The following LMO3 variants were observed in gnomAD, a reference collection of about 807,000 sequenced individuals.
LMO3 encodes the protein LIM domain only protein 3.
A neutral mutation model predicts 15.8 loss-of-function variants in LMO3; 2 were observed. The ratio of observed to expected loss-of-function variants is 0.13; its 90% CI spans 0.05 to 0.40. LMO3 has a LOEUF of 0.40. Ranked by LOEUF, LMO3 falls within the 10% of genes least tolerant of loss-of-function variation. The pLI, the probability that LMO3 is intolerant of heterozygous loss-of-function variation, is 0.99. For synonymous variants in LMO3, 62 were observed against 63.8 expected, an observed-to-expected ratio of 0.97 and a Z score of 0.13; for missense variants, 86 against 182.2, an observed-to-expected ratio of 0.47 and a Z score of 3.04.
intron 2 of LMO3, among the ~76,000 whole-genome samples, chr12:16,581,945 GATAAA>G (rs1431796385): frequency 1.3e-5 from 2 of 151,960 alleles, no homozygotes; most frequent in Non-Finnish European, 1.5e-5. Flanking sequence ...ATTTTCTGCA[GATAAA>G]ATAATTATCT....
chr12:16,567,267 A>T, intron 2 of LMO3: 1 of 163,656 alleles, frequency 6.1e-6, no homozygotes, highest in Non-Finnish European at 1.3e-5. Flanking sequence ...GCAATAATTC[A>T]TGGTATTGAG....
upstream of LMO3, among the ~76,000 whole-genome samples, chr12:16,609,493 A>T (rs1944087093): frequency 6.6e-6 from 1 of 152,118 alleles, no homozygotes; most frequent in African/African-American, 2.4e-5. Flanking sequence ...AAAGAGCCAG[A>T]TCTTTTTGGT....
chr12:16,562,617 C>T (rs1321878481), intron 2 of LMO3, among the ~76,000 whole-genome samples: 4 of 152,194 alleles, frequency 2.6e-5, no homozygotes, highest in Non-Finnish European at 5.9e-5. Context: ...GGACCTGAGA[C>T]CTGCTTCTGC....
rs1307854873 is a variant in LMO3 at position 16,551,302 on chromosome 12, G to A, written c.358C>T (p.Leu120=). Residue 120 remains leucine (L), a synonymous_variant, in exon 4 of 4, where the codon CTA becomes TTA. Coordinates refer to ENST00000537304, the MANE Select transcript of LMO3 (RefSeq NM_018640.5). ...QRFCVGDKFF[L]KNNMILCQTD... ...TGGCAAAGGATCATGTTATTCTTTA[G>A]GAAAAATTTGTCTCCAACACAAAAT... 1 of 1,611,198 alleles carries A rather than the reference G, an allele frequency of 6.2e-7. No homozygotes were observed. Among genetic ancestry groups the A allele is most frequent in the East Asian group, 2.2e-5 (1 of 44,818 alleles).
chr12:16,575,652 A>G (rs1330343626), intron 2 of LMO3, among the ~76,000 whole-genome samples: 1 of 152,138 alleles, frequency 6.6e-6, no homozygotes, highest in East Asian at 1.9e-4. Flanking sequence ...CCAGCGTCAC[A>G]TAGATAGATA....
chr12:16,553,582 C>CTTA (rs1942073938), intron 3 of LMO3, among the ~76,000 whole-genome samples: 1 of 151,996 alleles, frequency 6.6e-6, no homozygotes, highest in South Asian at 2.1e-4. Context: ...TCAATTTATA[C>CTTA]TTAAAGGTCA....
chr12:16,556,852 ACTAAGTG>A (rs1392787521), intron 3 of LMO3, among the ~76,000 whole-genome samples: 1 of 152,210 alleles, frequency 6.6e-6, no homozygotes, highest in East Asian at 1.9e-4. Flanking sequence ...CAAGACAATA[ACTAAGTG>A]CTAATTGTGC....
chr12:16,556,772 G>A (rs775655665), intron 3 of LMO3, among the ~76,000 whole-genome samples: 1 of 152,124 alleles, frequency 6.6e-6, no homozygotes, highest in African/African-American at 2.4e-5. Context: ...AACAAAATTT[G>A]TCTGCTTTGC....
At chr12:16,574,392 T>G (rs779839886) in intron 2 of LMO3, among the ~76,000 whole-genome samples, 23 of 152,126 alleles carry the variant, frequency 1.5e-4, no homozygotes, top group Non-Finnish European at 3.4e-4. Context: ...TTTTGAACTT[T>G]GAGTCCCCAG....
intron 3 of LMO3, among the ~76,000 whole-genome samples, chr12:16,553,748 T>A (rs1942078947): frequency 6.6e-6 from 1 of 152,040 alleles, no homozygotes; most frequent in African/African-American, 2.4e-5. Flanking sequence ...TAAAGAAATT[T>A]CAGAGACAGC....
At position 16,599,013 on chromosome 12, in the gene LMO3, A is replaced by G. The variant is rs1943741959; in HGVS notation, c.206+1642T>C. ...AAAAGTCAAAAGGAGTCAAAAAGCT[A>G]TGACTATTGGTTAGTACAGATAAAG... On this transcript the variant is annotated intron_variant, in intron 2 of 3. Coordinates refer to ENST00000537304, the MANE Select transcript of LMO3 (RefSeq NM_018640.5). The surrounding 1 kb of genome is among the most constrained non-coding windows in gnomAD (Gnocchi z 4.1). The G allele has an allele frequency of 4.0e-6, 1 of 252,242 alleles. No individual in the cohort carries two copies. The allele number at this position is 252,242 out of a possible 1,614,324, so 15.6% of individuals were successfully genotyped here. A position where few individuals can be genotyped will look rare whatever the true frequency, so the allele number is the denominator to read the frequency against.
At chr12:16,578,967 T>G (rs1406636941) in intron 2 of LMO3, among the ~76,000 whole-genome samples, 1 of 152,226 alleles carries the variant, frequency 6.6e-6, no homozygotes, top group African/African-American at 2.4e-5. Flanking sequence ...TTTATTCTAA[T>G]GAAGTATATT....
rs1302204188 is a variant in LMO3, at chr12:16,589,882, C to A, written c.206+10773G>T. On this transcript the variant is annotated intron_variant, in intron 2 of 3. Coordinates refer to ENST00000537304, the MANE Select transcript of LMO3 (RefSeq NM_018640.5). The surrounding 1 kb of genome is among the most constrained non-coding windows in gnomAD (Gnocchi z 4.2). ...GATGCAGACCACAGTAGGAATTAAG[C>A]CTCGTAAAGCTCTCTGGCTACTGTC... Among the ~76,000 whole-genome samples, 4 of 152,016 alleles carry A rather than the reference C, an allele frequency of 2.6e-5. No homozygotes were observed. Among genetic ancestry groups the A allele is most frequent in the Admixed American group, 1.3e-4 (2 of 15,246 alleles).
chr12:16,605,818 C>G (rs560350154), intron 1 of LMO3: 3 of 1,535,516 alleles, frequency 2.0e-6, no homozygotes, highest in Non-Finnish European at 2.6e-6. Context: ...CAACATCTTC[C>G]GCCTGCATCT....
At chr12:16,575,988 T>C (rs1020093376) in intron 2 of LMO3, among the ~76,000 whole-genome samples, 1 of 151,862 alleles carries the variant, frequency 6.6e-6, no homozygotes, top group African/African-American at 2.4e-5. Context: ...AACTTTGAAT[T>C]TGCCTCCTCT....
At chr12:16,602,694 T>C (rs1319253220) in intron 1 of LMO3, among the ~76,000 whole-genome samples, 2 of 152,210 alleles carry the variant, frequency 1.3e-5, no homozygotes, top group South Asian at 2.1e-4. Flanking sequence ...TCTCTAGAAC[T>C]TCTAACAAAT....
chr12:16,605,051 C>G, intron 1 of LMO3: 4 of 1,504,618 alleles, frequency 2.7e-6, no homozygotes, highest in Non-Finnish European at 3.5e-6. Flanking sequence ...GGGAGCGGGT[C>G]GGAGTGGCGG....
chr12:16,561,007 A>G (rs1323806751), intron 2 of LMO3, among the ~76,000 whole-genome samples: 1 of 152,196 alleles, frequency 6.6e-6, no homozygotes, highest in African/African-American at 2.4e-5. Context: ...TGAAGAAGCC[A>G]TTTAAATAGT....
rs1943361819 is a variant in LMO3 at position 16,587,623 on chromosome 12, T to A, written c.206+13032A>T. On this transcript the variant is annotated intron_variant, in intron 2 of 3. Coordinates refer to ENST00000537304, the MANE Select transcript of LMO3 (RefSeq NM_018640.5). This position sits in a 1 kb window ranked among gnomAD's most constrained non-coding sequence, Gnocchi z 4.3. ...TATTTCTGTCAGTGTATCATTTTTT[T>A]AAGCAATGGACCCTATAATAGCAAG... 1.3e-5 allele frequency among the ~76,000 whole-genome samples: 2 copies of A among 152,146 alleles called. 1 individual carries two copies. Among genetic ancestry groups the A allele is most frequent in the South Asian group, 4.1e-4 (2 of 4,824 alleles).
Sources: gnomAD v4.1 joint callset for allele counts (sites outside exome capture counted in the v4.1 genomes callset) on GRCh38, gnomAD v4.1.1 for gene constraint, Gnocchi (gnomAD v3.1) non-coding constraint, MANE v1.5 for transcripts, NCBI Gene and HGNC (gene_info 2026-07-23, HGNC 2026-07-21) for gene names.